The following SLC14A2 variants were observed in gnomAD, a reference collection of about 807,000 sequenced individuals.
SLC14A2 encodes the protein urea transporter 2.
SLC14A2 carries 91 observed loss-of-function variants against 104.6 expected under a neutral mutation model. That is an observed-to-expected ratio of 0.87 (90% CI 0.73 to 1.04). SLC14A2 has a LOEUF of 1.04. SLC14A2 is among the 50% of genes least tolerant of loss of function. The pLI is 0.00. For missense variants in SLC14A2, 1,189 were observed against 1,156.0 expected (o/e 1.03, Z -0.41); for synonymous variants, 476 against 466.4 (o/e 1.02, Z -0.27).
intron 10 of SLC14A2, among the ~76,000 whole-genome samples, chr18:45,652,988 G>T (rs536290814): frequency 6.6e-6 from 1 of 152,050 alleles, no homozygotes; most frequent in African/African-American, 2.4e-5. Flanking sequence ...TGTTATGTCT[G>T]GAATAGGTGG....
chr18:45,450,988 A>G (rs2852301), intron 1 of SLC14A2, among the ~76,000 whole-genome samples: 129,726 of 152,174 alleles, frequency 0.85, 55,323 homozygotes, highest in South Asian at 0.93. Flanking sequence ...TTCAAAGGAC[A>G]AGGGAGCCAC....
intron 2 of SLC14A2, among the ~76,000 whole-genome samples, chr18:45,498,922 C>T (rs1233549898): frequency 6.6e-6 from 1 of 152,248 alleles, no homozygotes; most frequent in African/African-American, 2.4e-5. Context: ...ACAGAAACTT[C>T]TCTAACTGCT....
chr18:45,217,244 ATATC>A (rs1267146755), intron 1 of SLC14A2, among the ~76,000 whole-genome samples: 1 of 148,576 alleles, frequency 6.7e-6, no homozygotes, highest in African/African-American at 2.4e-5. Context: ...GCCAAGTTAT[ATATC>A]TATTATATAT....
chr18:45,212,557 T>C (rs2083970363), upstream of SLC14A2, among the ~76,000 whole-genome samples: 1 of 152,200 alleles, frequency 6.6e-6, no homozygotes. Flanking sequence ...TCCAACGTGA[T>C]CCTTATTTAT....
chr18:45,679,108 T>G (rs773396968), intron 19 of SLC14A2, 84 bp downstream of exon 19: 119 of 1,276,724 alleles, frequency 9.3e-5, no homozygotes, highest in Non-Finnish European at 1.2e-4. Flanking sequence ...AAAACCTCTC[T>G]CCTCTAAGAA....
At chr18:45,634,529 C>T (rs181137583) in intron 5 of SLC14A2, among the ~76,000 whole-genome samples, 1 of 152,342 alleles carries the variant, frequency 6.6e-6, no homozygotes, top group Admixed American at 6.5e-5. Context: ...AAGAAGGCAT[C>T]TGTCATCTGA....
At chr18:45,178,574 G>C in the SLC14A2 span, among the ~76,000 whole-genome samples, 2 of 152,136 alleles carry the variant, frequency 1.3e-5, no homozygotes, top group Non-Finnish European at 2.9e-5. Flanking sequence ...TCCTGAGGAA[G>C]GAGCTAGAAT....
intron 13 of SLC14A2, 138 bp from the exon 14 acceptor site, chr18:45,667,695 T>A (rs988360665): frequency 1.6e-5 from 11 of 670,238 alleles, no homozygotes; most frequent in Non-Finnish European, 2.7e-5. Context: ...TTTACCATCT[T>A]TGGTGGCAGG....
At chr18:45,603,746 G>A (rs1247873181) in intron 2 of SLC14A2, among the ~76,000 whole-genome samples, 1 of 152,128 alleles carries the variant, frequency 6.6e-6, no homozygotes, top group Non-Finnish European at 1.5e-5. Flanking sequence ...TCACCCTAAA[G>A]AGTCATTGAC....
chr18:45,227,829 C>T (rs1010110875), intron 1 of SLC14A2, among the ~76,000 whole-genome samples: 6 of 152,206 alleles, frequency 3.9e-5, no homozygotes, highest in Non-Finnish European at 7.3e-5. Context: ...TTTCCACACT[C>T]CTGTCAGCCC....
intron 2 of SLC14A2, chr18:45,507,145 G>C (rs538751543): frequency 6.6e-6 from 1 of 152,156 alleles, no homozygotes; most frequent in Non-Finnish European, 1.5e-5. Flanking sequence ...TCATAACCCC[G>C]GGTCCCCACT....
chr18:45,632,521 C>G, intron 5 of SLC14A2, 43 bp downstream of exon 5: 9 of 1,604,478 alleles, frequency 5.6e-6, no homozygotes, highest in Non-Finnish European at 6.8e-6. Flanking sequence ...CATGGGGCCC[C>G]CAAGACACTT....
At chr18:45,407,576 A>G (rs527581840) in intron 1 of SLC14A2, among the ~76,000 whole-genome samples, 1 of 152,218 alleles carries the variant, frequency 6.6e-6, no homozygotes, top group Non-Finnish European at 1.5e-5. Context: ...CAAGAATCCT[A>G]GCTTTCAGCC....
chr18:45,370,524 A>G (rs1371619214), intron 1 of SLC14A2, among the ~76,000 whole-genome samples: 1 of 152,178 alleles, frequency 6.6e-6, no homozygotes, highest in Non-Finnish European at 1.5e-5. Flanking sequence ...GACCCAAAAT[A>G]TATGTGTGTT....
At chr18:45,565,518 T>C (rs4890287) in intron 2 of SLC14A2, among the ~76,000 whole-genome samples, 44,952 of 152,114 alleles carry the variant, frequency 0.3, 7,550 homozygotes, top group Non-Finnish European at 0.37. Flanking sequence ...GAAGGGATTG[T>C]CATGAAGTCT....
At chr18:45,493,995 C>G (rs1411436418) in intron 2 of SLC14A2, among the ~76,000 whole-genome samples, 1 of 152,146 alleles carries the variant, frequency 6.6e-6, no homozygotes, top group Admixed American at 6.5e-5. Context: ...ATCATGTCTG[C>G]AAAGAGGAAA....
chr18:45,273,147 A>G (rs950554558), intron 1 of SLC14A2, among the ~76,000 whole-genome samples: 3 of 152,076 alleles, frequency 2.0e-5, no homozygotes, highest in Non-Finnish European at 4.4e-5. Flanking sequence ...TTTTTGCTCT[A>G]TTACTCGACT....
chr18:45,407,275 G>A (rs2086165965), intron 1 of SLC14A2, among the ~76,000 whole-genome samples: 1 of 152,212 alleles, frequency 6.6e-6, no homozygotes, highest in Non-Finnish European at 1.5e-5. Context: ...TATGGAGACA[G>A]TTTTTCTTAA....
intron 1 of SLC14A2, among the ~76,000 whole-genome samples, chr18:45,356,670 A>G (rs2085557351): frequency 6.6e-6 from 1 of 152,240 alleles, no homozygotes; most frequent in East Asian, 1.9e-4. Context: ...GAACAACATA[A>G]TATTTAGTGG....
Sources: gnomAD v4.1 joint callset for allele counts (sites outside exome capture counted in the v4.1 genomes callset) on GRCh38, gnomAD v4.1.1 for gene constraint, MANE v1.5 for transcripts, NCBI Gene and HGNC (gene_info 2026-07-23, HGNC 2026-07-21) for gene names.